The following KIF5C variants were observed in gnomAD, a reference collection of about 807,000 sequenced individuals.
KIF5C encodes the protein kinesin family member 5C, also known as kinesin heavy chain isoform 5C.
Under a neutral mutation model 125.2 loss-of-function variants are expected in KIF5C, and 18 were observed. That is an observed-to-expected ratio of 0.14 (90% CI 0.10 to 0.21). The LOEUF (loss-of-function observed/expected upper bound fraction) is 0.21. Ranked by LOEUF, KIF5C falls within the 10% of genes least tolerant of loss-of-function variation. The pLI is 1.00. For missense variants in KIF5C, 780 were observed against 1,183.8 expected (o/e 0.66, Z 5.01); for synonymous variants, 405 against 434.0 (o/e 0.93, Z 0.83).
Position 148,981,397 on chromosome 2 carries a change from G to A in KIF5C, c.1405G>A (p.Glu469Lys), listed in dbSNP as rs753378799. ...TRRDYEKIQEELTRLQIENEA... is the reference protein window; with the variant it reads ...TRRDYEKIQEKLTRLQIENEA... ...AAGAGACTATGAGAAGATACAGGAG[G>A]AGCTGACACGTCTCCAGATTGAAAA... Residue 469 changes from glutamate (E) to lysine (K), a missense_variant, in exon 14 of 26, where the codon GAG (glutamate) becomes AAG (lysine). Physicochemically the swap from Glu to Lys is moderately conservative, Grantham distance 56. Coordinates refer to ENST00000435030, the MANE Select transcript of KIF5C (RefSeq NM_004522.3). 3.5e-5 allele frequency: 57 copies of A among 1,611,496 alleles called. No individual in the cohort carries two copies. Among genetic ancestry groups the A allele is most frequent in the Non-Finnish European group, 4.7e-5 (55 of 1,178,902 alleles).
chr2:148,949,262 C>A (rs1682599510), intron 8 of KIF5C, among the ~76,000 whole-genome samples: 1 of 152,166 alleles, frequency 6.6e-6, no homozygotes, highest in African/African-American at 2.4e-5. Flanking sequence ...ATGCAGTATA[C>A]ATTTGACTTT....
chr2:148,902,899 C>T (rs538482301), intron 1 of KIF5C, among the ~76,000 whole-genome samples: 2 of 152,228 alleles, frequency 1.3e-5, no homozygotes, highest in South Asian at 4.2e-4. Flanking sequence ...AATTCTTGGC[C>T]CCTGCTGAGT....
intron 17 of KIF5C, 146 bp downstream of exon 17, chr2:148,994,684 C>T (rs1265148798): frequency 6.9e-6 from 7 of 1,020,434 alleles, no homozygotes; most frequent in African/African-American, 1.7e-5. Flanking sequence ...AAAAAAGGAG[C>T]GATTTCTTTT....
Position 148,909,880 on chromosome 2 carries a change from C to T in KIF5C, c.127-12257C>T, listed in dbSNP as rs185497353. Among the ~76,000 whole-genome samples the T allele has an allele frequency of 3.3e-5, 5 of 152,260 alleles. No homozygotes were observed. The South Asian group carries it at 6.2e-4, about 19-fold the overall frequency. ...AGACCCTCCTGCCTCTCCTACTTAT[C>T]GCTGTGCGACTATTATGTGTTGTCT... On this transcript the variant is annotated intron_variant, in intron 1 of 25. Transcript: ENST00000435030.
chr2:148,898,794 G>C (rs1395689086), intron 1 of KIF5C, among the ~76,000 whole-genome samples: 2 of 152,196 alleles, frequency 1.3e-5, no homozygotes, highest in Admixed American at 6.5e-5. Flanking sequence ...ATAAAATTTT[G>C]TTGTCTTAAA....
chr2:149,010,854 G>A (rs1682173000), intron 24 of KIF5C, among the ~76,000 whole-genome samples: 1 of 152,212 alleles, frequency 6.6e-6, no homozygotes, highest in Non-Finnish European at 1.5e-5. Context: ...CAGAACCTGG[G>A]GAGGTCTGGA....
chr2:149,002,719 C>T (rs376613313), intron 21 of KIF5C, among the ~76,000 whole-genome samples: 12 of 152,204 alleles, frequency 7.9e-5, no homozygotes, highest in African/African-American at 1.7e-4. Flanking sequence ...CGCACGCAGG[C>T]GCATTCACAC....
chr2:148,946,500 A>G (rs1682522554), intron 7 of KIF5C, among the ~76,000 whole-genome samples: 1 of 152,190 alleles, frequency 6.6e-6, no homozygotes. Context: ...TATGCACATG[A>G]CTAAGATAGA....
At chr2:148,884,936 G>A (rs998435434) in intron 1 of KIF5C, among the ~76,000 whole-genome samples, 2 of 151,020 alleles carry the variant, frequency 1.3e-5, no homozygotes, top group African/African-American at 2.4e-5. Context: ...AAGATTCCCA[G>A]CCTATCCCCC....
At chr2:148,988,344 C>G (rs1355034678) in intron 15 of KIF5C, among the ~76,000 whole-genome samples, 2 of 152,152 alleles carry the variant, frequency 1.3e-5, no homozygotes, top group East Asian at 3.8e-4. Context: ...GAACTGGCTT[C>G]AGAAGTTATA....
chr2:148,889,689 CCTT>C (rs2105044824), intron 1 of KIF5C, among the ~76,000 whole-genome samples: 1 of 152,322 alleles, frequency 6.6e-6, no homozygotes, highest in African/African-American at 2.4e-5. Flanking sequence ...AGGAATCCAT[CCTT>C]CTTCTGGGAG....
At chr2:148,989,577 G>T (rs1681472145) in intron 15 of KIF5C, among the ~76,000 whole-genome samples, 1 of 152,162 alleles carries the variant, frequency 6.6e-6, no homozygotes, top group Non-Finnish European at 1.5e-5. Context: ...TTTCCATAGT[G>T]GTTGTACTAG....
intron 10 of KIF5C, among the ~76,000 whole-genome samples, chr2:148,955,089 T>C (rs1682760362): frequency 1.3e-5 from 2 of 152,110 alleles, no homozygotes; most frequent in African/African-American, 4.8e-5. Flanking sequence ...CATTTCTCCC[T>C]CCTGCCCTCC....
intron 24 of KIF5C, among the ~76,000 whole-genome samples, chr2:149,010,852 G>A (rs1682172826): frequency 1.3e-5 from 2 of 152,224 alleles, no homozygotes; most frequent in African/African-American, 4.8e-5. Context: ...CACAGAACCT[G>A]GGGAGGTCTG....
At chr2:148,948,658 T>G (rs899925908) in intron 8 of KIF5C, among the ~76,000 whole-genome samples, 2 of 150,826 alleles carry the variant, frequency 1.3e-5, no homozygotes, top group African/African-American at 4.9e-5. Context: ...AGAAAAGAAC[T>G]CTGGGCTTTA....
At chr2:148,888,229 C>A (rs932067715) in intron 1 of KIF5C, 2 of 152,108 alleles carry the variant, frequency 1.3e-5, no homozygotes, top group East Asian at 1.9e-4. Context: ...CCTCTGCAGG[C>A]GGCCTGTTTC....
In KIF5C at chr2:149,009,519, C is replaced by T. The variant is rs114465822; in HGVS notation, c.2551-616C>T. ...AGACTTGTGGTGGTCAAATGACTTA[C>T]ACCAAGTCAGATGGCCAGGACATAA... is the stretch of plus-strand genomic sequence containing the variant. On this transcript the variant is annotated intron_variant, in intron 23 of 25. Transcript: ENST00000435030. Among the ~76,000 whole-genome samples, 223 of 152,278 alleles carry T rather than the reference C, an allele frequency of 1.5e-3. 1 individual carries two copies. The highest frequency in any genetic ancestry group is 5.1e-3 in the African/African-American group (212 of 41,546).
intron 25 of KIF5C, among the ~76,000 whole-genome samples, chr2:149,022,088 A>G (rs1349316598): frequency 6.6e-6 from 1 of 152,136 alleles, no homozygotes; most frequent in Non-Finnish European, 1.5e-5. Context: ...GGTCTTTTGG[A>G]GAATCTTATT....
intron 10 of KIF5C, among the ~76,000 whole-genome samples, chr2:148,952,887 C>A (rs1682700522): frequency 6.6e-6 from 1 of 152,104 alleles, no homozygotes; most frequent in South Asian, 2.1e-4. Context: ...AGTATTGCGG[C>A]TTGAAAAGGT....
Sources: allele counts gnomAD v4.1 joint callset (sites outside exome capture counted in the v4.1 genomes callset), GRCh38; gene constraint gnomAD v4.1.1; transcripts MANE v1.5; gene names NCBI Gene and HGNC (gene_info 2026-07-23, HGNC 2026-07-21).